The following FAM107B variants were observed in gnomAD, a reference collection of about 807,000 sequenced individuals.
FAM107B encodes the protein protein FAM107B.
Under a neutral mutation model 31.5 loss-of-function variants are expected in FAM107B, and 21 were observed. The ratio of observed to expected loss-of-function variants is 0.67; its 90% CI spans 0.47 to 0.96. FAM107B has a LOEUF of 0.96. FAM107B is among the 40% of genes least tolerant of loss of function. The probability of loss-of-function intolerance (pLI) is 0.00; values close to 1 mark genes in which losing one functional copy is unlikely to be tolerated. For synonymous variants in FAM107B, 157 were observed against 141.5 expected, an observed-to-expected ratio of 1.11 and a Z score of -0.78; for missense variants, 452 against 377.1, an observed-to-expected ratio of 1.20 and a Z score of -1.64.
chr10:14,531,688 A>C (rs1847032408), intron 2 of FAM107B, among the ~76,000 whole-genome samples: 1 of 152,050 alleles, frequency 6.6e-6, no homozygotes, highest in Non-Finnish European at 1.5e-5. Flanking sequence ...CTAAAAATAC[A>C]AAAAATAGCC....
Position 14,594,386 on chromosome 10 carries a change from C to A in FAM107B, c.470-63871G>T, listed in dbSNP as rs1360260830. On this transcript the variant is annotated intron_variant, in intron 2 of 4. Coordinates refer to ENST00000181796, the MANE Select transcript of FAM107B (RefSeq NM_031453.4). ...TTAGAGTGGTGAAGCGCTCTGCAGT[C>A]CTAGCTACTCAGGAAGCTGAGGTGG... Among the ~76,000 whole-genome samples the A allele has an allele frequency of 2.0e-5, 3 of 151,844 alleles. No individual in the cohort carries two copies. The East Asian group carries it at 5.8e-4, about 29-fold the overall frequency.
intron 1 of FAM107B, among the ~76,000 whole-genome samples, chr10:14,676,026 T>C (rs1252501558): frequency 6.6e-6 from 1 of 152,112 alleles, no homozygotes; most frequent in Non-Finnish European, 1.5e-5. Context: ...GATGTGATGG[T>C]GCACACCTGT....
At chr10:14,717,363 G>A (rs890533907) in intron 1 of FAM107B, among the ~76,000 whole-genome samples, 2 of 152,148 alleles carry the variant, frequency 1.3e-5, no homozygotes, top group South Asian at 4.1e-4. Context: ...GGATTGCAAG[G>A]TGAGGTCTCC....
chr10:14,532,145 C>T (rs954257058), intron 2 of FAM107B, among the ~76,000 whole-genome samples: 16 of 152,310 alleles, frequency 1.1e-4, no homozygotes, highest in East Asian at 9.6e-4. Flanking sequence ...GTTCTCAGCA[C>T]GGTGCTCGCT....
chr10:14,614,646 C>T (rs1372814643), intron 2 of FAM107B, among the ~76,000 whole-genome samples: 1 of 147,004 alleles, frequency 6.8e-6, no homozygotes, highest in Non-Finnish European at 1.5e-5. Flanking sequence ...GCACTCCAGC[C>T]TGGGTGACAC....
At chr10:14,707,175 C>CA (rs796455708) in intron 1 of FAM107B, among the ~76,000 whole-genome samples, 6 of 151,510 alleles carry the variant, frequency 4.0e-5, no homozygotes, top group Non-Finnish European at 7.4e-5. Flanking sequence ...CAAAACAAAA[C>CA]AAAAAAATGG....
intron 1 of FAM107B, among the ~76,000 whole-genome samples, chr10:14,766,446 T>A (rs1255992036): frequency 6.6e-6 from 1 of 152,206 alleles, no homozygotes; most frequent in Admixed American, 6.5e-5. Context: ...ATGGATTAGA[T>A]GCTTAGTAGC....
At chr10:14,730,952 A>G (rs763040259) in intron 1 of FAM107B, among the ~76,000 whole-genome samples, 2 of 152,124 alleles carry the variant, frequency 1.3e-5, no homozygotes, top group African/African-American at 4.8e-5. Flanking sequence ...GAGTGGAGGC[A>G]GAAGATCAAA....
chr10:14,683,033 T>G (rs1474175979), intron 1 of FAM107B, among the ~76,000 whole-genome samples: 1 of 152,218 alleles, frequency 6.6e-6, no homozygotes, highest in Non-Finnish European at 1.5e-5. Flanking sequence ...ACAACATTTG[T>G]GTCCCCATTA....
intron 1 of FAM107B, among the ~76,000 whole-genome samples, chr10:14,729,285 T>C (rs1164786274): frequency 1.3e-5 from 2 of 152,156 alleles, no homozygotes; most frequent in Non-Finnish European, 2.9e-5. Context: ...AAATGCAAGC[T>C]ACCGCACCTG....
At chr10:14,733,262 G>A (rs770464249) in intron 1 of FAM107B, among the ~76,000 whole-genome samples, 7 of 151,886 alleles carry the variant, frequency 4.6e-5, no homozygotes, top group Non-Finnish European at 8.8e-5. Flanking sequence ...CCTCACCTGC[G>A]TTTTCAAAAT....
chr10:14,524,527 A>G (rs941214107), intron 3 of FAM107B, among the ~76,000 whole-genome samples: 2 of 152,200 alleles, frequency 1.3e-5, no homozygotes. Flanking sequence ...AACTAAATAA[A>G]CAACAGGATA....
At chr10:14,526,585 A>G (rs1398295605) in intron 3 of FAM107B, among the ~76,000 whole-genome samples, 1 of 152,198 alleles carries the variant, frequency 6.6e-6, no homozygotes, top group Non-Finnish European at 1.5e-5. Flanking sequence ...AAATACTTGT[A>G]TCCTTTATCT....
chr10:14,571,811 T>C (rs1588621159), intron 2 of FAM107B: 1 of 985,438 alleles, frequency 1.0e-6, no homozygotes, highest in Non-Finnish European at 1.2e-6. Context: ...GCATTCAAGG[T>C]GGTGAAAAAT....
intron 2 of FAM107B, among the ~76,000 whole-genome samples, chr10:14,540,794 G>A (rs921990776): frequency 3.3e-5 from 5 of 152,220 alleles, no homozygotes; most frequent in Non-Finnish European, 5.9e-5. Flanking sequence ...ATCAACAGGT[G>A]TCAAGTTGAG....
At chr10:14,754,531 G>A (rs1289474474) in intron 1 of FAM107B, among the ~76,000 whole-genome samples, 1 of 152,188 alleles carries the variant, frequency 6.6e-6, no homozygotes, top group Non-Finnish European at 1.5e-5. Context: ...AGCTGAACGA[G>A]GATGTGATGA....
At chr10:14,660,703 G>A (rs1854211727) in intron 2 of FAM107B, among the ~76,000 whole-genome samples, 1 of 152,186 alleles carries the variant, frequency 6.6e-6, no homozygotes, top group South Asian at 2.1e-4. Context: ...ATATGTGCAT[G>A]GTGCTTGGCT....
intron 2 of FAM107B, chr10:14,571,789 T>C (rs1851249081): frequency 9.1e-6 from 9 of 985,424 alleles, no homozygotes; most frequent in Non-Finnish European, 1.1e-5. Flanking sequence ...CTTGTTTATG[T>C]TTTAATCATG....
intron 1 of FAM107B, among the ~76,000 whole-genome samples, chr10:14,675,994 C>T (rs1854673076): frequency 6.6e-6 from 1 of 152,018 alleles, no homozygotes; most frequent in Non-Finnish European, 1.5e-5. Context: ...CCTGTCTCTG[C>T]AAGTAATAAA....
Sources: gnomAD v4.1 joint callset for allele counts (sites outside exome capture counted in the v4.1 genomes callset) on GRCh38, gnomAD v4.1.1 for gene constraint, MANE v1.5 for transcripts, NCBI Gene and HGNC (gene_info 2026-07-23, HGNC 2026-07-21) for gene names.